ARHGAP32: variants seen among roughly 807,000 people sequenced by gnomAD.
ARHGAP32 encodes the protein rho GTPase-activating protein 32.
Under a neutral mutation model 186.5 loss-of-function variants are expected in ARHGAP32, and 51 were observed. The observed-to-expected ratio is 0.27, with a 90% CI of 0.22 to 0.35. The LOEUF (loss-of-function observed/expected upper bound fraction) is 0.35. Among genes scored for constraint, ARHGAP32 ranks in the 10% least tolerant of loss-of-function variants. The pLI is 1.00. For missense variants in ARHGAP32, 2,186 were observed against 2,623.5 expected (o/e 0.83, Z 3.64); for synonymous variants, 950 against 964.3 (o/e 0.99, Z 0.27).
At chr11:129,210,997 T>C (rs911791196) in intron 1 of ARHGAP32, among the ~76,000 whole-genome samples, 3 of 152,184 alleles carry the variant, frequency 2.0e-5, no homozygotes, top group Admixed American at 6.5e-5. Context: ...TCACTTACTA[T>C]GTCCTGGTAG....
chr11:129,097,843 T>A (rs568888598), intron 5 of ARHGAP32, among the ~76,000 whole-genome samples: 11 of 151,710 alleles, frequency 7.3e-5, no homozygotes, highest in Non-Finnish European at 1.6e-4. Flanking sequence ...TAAGATAAAC[T>A]CAGAGAGACC....
In ARHGAP32 at chr11:128,974,779, G is replaced by A. The variant is rs754107059; in HGVS notation, c.2418C>T (p.Ser806=). The A allele has an allele frequency of 6.2e-7, 1 of 1,614,014 alleles. No homozygotes were observed. Among genetic ancestry groups the A allele is most frequent in the African/African-American group, 1.3e-5 (1 of 74,902 alleles). ...DLSPPDIGVA[S]LDFDPMSFQC... is the part of the protein sequence containing the mutation. ...GAAATGACATTGGATCAAAATCCAG[G>A]CTGGCTACTCCAATGTCTGGTGGGC... The change falls in exon 21 of 23, where the codon AGC becomes AGT. Residue 806 remains serine, a synonymous_variant. Coordinates refer to ENST00000682385, the MANE Select transcript of ARHGAP32 (RefSeq NM_001378024.1).
intron 10 of ARHGAP32, among the ~76,000 whole-genome samples, chr11:129,051,258 A>C (rs1358653886): frequency 2.6e-5 from 4 of 152,206 alleles, no homozygotes; most frequent in Non-Finnish European, 5.9e-5. Flanking sequence ...CACTCCCGCC[A>C]ACAGTGTAAA....
rs141414658 is a variant in ARHGAP32, at chr11:128,978,826, C to T, written c.2066G>A (p.Arg689Gln). ...CTCACTCTCATTCCGCTGCAGCTTT[C>T]GTTTAGAAACAGATGATGATTTCCC... ...NLGKSSSVSKRKLQRNESEPS... is the reference protein window; with the variant it reads ...NLGKSSSVSKQKLQRNESEPS... Residue 689 changes from arginine to glutamine, a missense_variant, in exon 19 of 23, where the codon CGA becomes CAA. Transcript: ENST00000682385. 24 of 1,612,908 alleles carry T rather than the reference C, an allele frequency of 1.5e-5. 1 individual carries two copies. The highest frequency in any genetic ancestry group is 9.9e-5 in the South Asian group (9 of 90,938).
chr11:129,164,378 G>T lies in ARHGAP32; in HGVS notation c.166C>A (p.Leu56Ile). The stretch of plus-strand genomic sequence containing the variant: ...TCTCGAGGGTGTACATTTCTATGTA[G>T]CTCTGGAACAAAATCATCTTCTTCA... The part of the protein sequence containing the change: ...HSEEDDFVPE[L>I]HRNVHPRERP... Residue 56 changes from leucine to isoleucine, a missense_variant, in exon 2 of 23, where the codon CTA (leucine) becomes ATA (isoleucine). By Grantham distance (5) the Leu-to-Ile change is conservative. Coordinates refer to ENST00000682385, the MANE Select transcript of ARHGAP32 (RefSeq NM_001378024.1). 6.3e-7 allele frequency: 1 copy of T among 1,582,024 alleles called. No individual in the cohort carries two copies. The highest frequency in any genetic ancestry group is 8.6e-7 in the Non-Finnish European group (1 of 1,162,538).
chr11:129,255,473 T>C (rs2135699941), intron 1 of ARHGAP32, among the ~76,000 whole-genome samples: 1 of 151,930 alleles, frequency 6.6e-6, no homozygotes, highest in African/African-American at 2.4e-5. Flanking sequence ...GACATTAGAG[T>C]AGGCAAAAAT....
chr11:129,178,517 A>C (rs1365379001), intron 1 of ARHGAP32, among the ~76,000 whole-genome samples: 1 of 152,132 alleles, frequency 6.6e-6, no homozygotes, highest in African/African-American at 2.4e-5. Flanking sequence ...AAAGCCGGAG[A>C]CATCACACTA....
intron 1 of ARHGAP32, among the ~76,000 whole-genome samples, chr11:129,234,307 T>C (rs891214983): frequency 1.3e-5 from 2 of 152,086 alleles, no homozygotes. Context: ...ACACCAATAA[T>C]GTATATACTA....
At chr11:128,979,029 A>T (rs1945632938) in intron 18 of ARHGAP32, 114 bp from the exon 19 acceptor site, 2 of 928,954 alleles carry the variant, frequency 2.2e-6, no homozygotes, top group Non-Finnish European at 3.1e-6. Context: ...AGCATAAGTG[A>T]AACAGTAAGC....
chr11:129,193,526 C>A (rs1944311446), upstream of ARHGAP32, among the ~76,000 whole-genome samples: 3 of 53,292 alleles, frequency 5.6e-5, no homozygotes, highest in East Asian at 4.6e-4. Context: ...GTCCCTAGAG[C>A]ATATAATATA....
At chr11:129,244,588 T>C (rs1286142211) in intron 1 of ARHGAP32, among the ~76,000 whole-genome samples, 1 of 151,770 alleles carries the variant, frequency 6.6e-6, no homozygotes, top group African/African-American at 2.4e-5. Context: ...AAAGACAAAA[T>C]TGACAAATGG....
At chr11:129,201,443 G>A (rs758496368) in intron 1 of ARHGAP32, among the ~76,000 whole-genome samples, 2 of 151,626 alleles carry the variant, frequency 1.3e-5, no homozygotes, top group East Asian at 1.9e-4. Flanking sequence ...ATACTATAAC[G>A]GTATACCTAA....
chr11:129,120,820 C>A (rs564983056), intron 5 of ARHGAP32, among the ~76,000 whole-genome samples: 1 of 152,190 alleles, frequency 6.6e-6, no homozygotes, highest in East Asian at 1.9e-4. Context: ...AGGTATGTCA[C>A]TGCAGAATGT....
At chr11:129,180,980 C>T (rs1386483129) in intron 1 of ARHGAP32, among the ~76,000 whole-genome samples, 2 of 152,074 alleles carry the variant, frequency 1.3e-5, no homozygotes, top group African/African-American at 4.8e-5. Flanking sequence ...TTACACTTGA[C>T]AATGTTGAAG....
chr11:129,024,043 G>T, intron 11 of ARHGAP32: 1 of 985,428 alleles, frequency 1.0e-6, no homozygotes, highest in Non-Finnish European at 1.2e-6. Context: ...CCACATCACT[G>T]CCGGGTTCCA....
Position 129,062,275 on chromosome 11 carries a change from C to T in ARHGAP32, c.963+5G>A. The T allele has an allele frequency of 6.2e-7, 1 of 1,613,026 alleles. No homozygotes were observed. The highest frequency in any genetic ancestry group is 8.5e-7 in the Non-Finnish European group (1 of 1,179,290). ...TTTTCCCACACCTAATTTGCTGCTGCCTACCTGGAATCCGTGCTTGCCTCT... is the reference window on the plus strand; with the variant it reads ...TTTTCCCACACCTAATTTGCTGCTGTCTACCTGGAATCCGTGCTTGCCTCT... On this transcript the variant is annotated splice_donor_5th_base_variant and intron_variant, in intron 10 of 22. Transcript: ENST00000682385.
intron 1 of ARHGAP32, among the ~76,000 whole-genome samples, chr11:129,274,437 C>T (rs781672326): frequency 1.1e-4 from 16 of 152,076 alleles, no homozygotes; most frequent in South Asian, 4.1e-4. Flanking sequence ...ACTGTTCCAC[C>T]GAGGACAGCG....
rs1429624168 is a variant in ARHGAP32 at position 128,972,818 on chromosome 11, A to T, written c.3688T>A (p.Tyr1230Asn). Residue 1230 changes from tyrosine (Y) to asparagine (N), a missense_variant, in exon 22 of 23, where the codon TAT (tyrosine) becomes AAT (asparagine). Physicochemically the swap from Tyr to Asn is moderately radical, Grantham distance 143. Transcript: ENST00000682385. ...RFYSGDQPPS[Y>N]LGASVDKLHH... ...AGTTTATCCACACTTGCACCAAGAT[A>T]AGAAGGAGGCTGATCTCCACTGTAG... is the stretch of plus-strand genomic sequence containing the variant. The T allele has an allele frequency of 6.2e-7, 1 of 1,614,028 alleles. No individual in the cohort carries two copies. The highest frequency in any genetic ancestry group is 2.2e-5 in the East Asian group (1 of 44,862).
chr11:129,035,891 C>T (rs1939313459), intron 11 of ARHGAP32, among the ~76,000 whole-genome samples: 2 of 152,076 alleles, frequency 1.3e-5, no homozygotes, highest in Admixed American at 6.6e-5. Context: ...TGCAATGCTG[C>T]TCACAGAAGA....
Sources: gnomAD v4.1 joint callset for allele counts (sites outside exome capture counted in the v4.1 genomes callset) on GRCh38, gnomAD v4.1.1 for gene constraint, MANE v1.5 for transcripts, NCBI Gene and HGNC (gene_info 2026-07-23, HGNC 2026-07-21) for gene names.